PPP6R3: variants seen among roughly 807,000 people sequenced by gnomAD.
PPP6R3 encodes serine/threonine-protein phosphatase 6 regulatory subunit 3.
PPP6R3 carries 38 observed loss-of-function variants against 110.7 expected under a neutral mutation model. That is an observed-to-expected ratio of 0.34 (90% CI 0.26 to 0.45). The LOEUF is 0.45. Ranked by LOEUF, PPP6R3 falls within the 20% of genes least tolerant of loss-of-function variation. PPP6R3 has a pLI of 1.00. For missense variants in PPP6R3, 870 were observed against 1,062.4 expected, an observed-to-expected ratio of 0.82 and a Z score of 2.52; for synonymous variants, 369 against 373.5, an observed-to-expected ratio of 0.99 and a Z score of 0.14.
intron 1 of PPP6R3, 78 bp downstream of exon 1, chr11:68,460,905 C>T (rs541581241): frequency 0.32 from 267 of 822 alleles, 2 homozygotes; most frequent in Admixed American, 0.44. Flanking sequence ...CGGGGCCCCT[C>T]CACCTGGCCT....
At chr11:68,540,865 C>T (rs957415992) in intron 3 of PPP6R3, among the ~76,000 whole-genome samples, 1 of 152,154 alleles carries the variant, frequency 6.6e-6, no homozygotes, top group African/African-American at 2.4e-5. Flanking sequence ...TGTCTTGTTC[C>T]CTGAACATCG....
rs1404216250 is a variant in PPP6R3 at position 68,614,111 on chromosome 11, G to A, written c.*994G>A. 4.1e-6 allele frequency: 4 copies of A among 985,906 alleles called. No homozygotes were observed. The highest frequency in any genetic ancestry group is 6.1e-5 in the Admixed American group (1 of 16,266). The allele number at this position is 985,906 out of a possible 1,614,324, so 61.1% of individuals were successfully genotyped here. A position where few individuals can be genotyped will look rare whatever the true frequency, so the allele number is the denominator to read the frequency against. ...CGTGCTGCTAATGGAATTAGAGTGC[G>A]TTCATTTTACAGGCTAGTATTTTAA... On this transcript the variant is annotated 3_prime_UTR_variant, in exon 24 of 24. Transcript: ENST00000393800.
chr11:68,479,111 A>G (rs1259830764), intron 1 of PPP6R3, among the ~76,000 whole-genome samples: 5 of 152,218 alleles, frequency 3.3e-5, no homozygotes, highest in Admixed American at 1.3e-4. Context: ...TTTATAGGCT[A>G]TCAATAAGCA....
Position 68,615,310 on chromosome 11 carries a change from A to G in PPP6R3, c.*2193A>G. On this transcript the variant is annotated 3_prime_UTR_variant, in exon 24 of 24. Transcript: ENST00000393800. ...ACCTGTATTCAAAATAACAAAAATA[A>G]AGCCTGATTCTTTGTTTCTAGAAAT... 5.7e-6 allele frequency: 2 copies of G among 353,438 alleles called. No individual in the cohort carries two copies. Among genetic ancestry groups the G allele is most frequent in the South Asian group, 2.2e-5 (1 of 46,426 alleles). The allele number at this position is 353,438 out of a possible 1,614,324, so 21.9% of individuals were successfully genotyped here.
rs2099390887 is a variant in PPP6R3, at chr11:68,554,149, A to G, written c.623A>G (p.His208Arg). Residue 208 changes from histidine to arginine, a missense_variant, in exon 7 of 24, where the codon CAT (histidine) becomes CGT (arginine). Physicochemically the swap from His to Arg is conservative, Grantham distance 29. Coordinates refer to ENST00000393800, the MANE Select transcript of PPP6R3 (RefSeq NM_001164161.2). ...IVHPSQEEDR[H>R]SNASQSLCEI... ...AATTGTACTTTTTTCCTTTAGCGACATTCAAATGCATCACAATCACTTTGT... is the reference window on the plus strand; with the variant it reads ...AATTGTACTTTTTTCCTTTAGCGACGTTCAAATGCATCACAATCACTTTGT... The G allele has an allele frequency of 3.1e-6, 5 of 1,606,884 alleles. No homozygotes were observed. The highest frequency in any genetic ancestry group is 4.2e-6 in the Non-Finnish European group (5 of 1,177,190).
chr11:68,597,992 A>AT (rs1045401430), intron 19 of PPP6R3, among the ~76,000 whole-genome samples: 12 of 152,062 alleles, frequency 7.9e-5, no homozygotes, highest in African/African-American at 2.4e-4. Context: ...AAAAAAAAAA[A>AT]GTACAGTTCA....
chr11:68,506,423 A>AAAAAAAAAAAAAAAAAAAAAAAAAAT (rs1191497232), intron 1 of PPP6R3, among the ~76,000 whole-genome samples: 1 of 121,218 alleles, frequency 8.2e-6, no homozygotes, highest in Non-Finnish European at 1.6e-5. Context: ...TCAAAAAAAA[A>AAAAAAAAAAAAAAAAAAAAAAAAAAT]AAAAAAAAAA....
intron 1 of PPP6R3, among the ~76,000 whole-genome samples, chr11:68,464,614 T>C (rs1184547608): frequency 6.6e-6 from 1 of 152,222 alleles, no homozygotes; most frequent in Non-Finnish European, 1.5e-5. Context: ...GGGGATTATT[T>C]AGATGGTATA....
chr11:68,566,180 G>T (rs1472684331), intron 9 of PPP6R3, among the ~76,000 whole-genome samples: 1 of 152,174 alleles, frequency 6.6e-6, no homozygotes, highest in Non-Finnish European at 1.5e-5. Context: ...ATTTGGCTCA[G>T]ACTGAGGATT....
chr11:68,517,723 A>G (rs921502591), intron 1 of PPP6R3, among the ~76,000 whole-genome samples: 1 of 152,186 alleles, frequency 6.6e-6, no homozygotes, highest in Non-Finnish European at 1.5e-5. Context: ...GGATCACTTG[A>G]GGTCAGGAGT....
At chr11:68,544,125 T>G (rs1447104926) in intron 3 of PPP6R3, among the ~76,000 whole-genome samples, 1 of 152,200 alleles carries the variant, frequency 6.6e-6, no homozygotes, top group Admixed American at 6.5e-5. Flanking sequence ...TGACACAAGG[T>G]CTCACTCTTG....
At chr11:68,475,061 G>A (rs537689895) in intron 1 of PPP6R3, among the ~76,000 whole-genome samples, 6 of 152,166 alleles carry the variant, frequency 3.9e-5, no homozygotes, top group South Asian at 4.1e-4. Flanking sequence ...AGGACCCTGC[G>A]GCCCTCTGCA....
chr11:68,566,023 G>C (rs2099464984), intron 9 of PPP6R3, among the ~76,000 whole-genome samples: 1 of 152,138 alleles, frequency 6.6e-6, no homozygotes, highest in Non-Finnish European at 1.5e-5. Flanking sequence ...TTGCCTCTCA[G>C]ACTTCTAAAG....
intron 2 of PPP6R3, among the ~76,000 whole-genome samples, chr11:68,523,705 CT>C (rs1565592376): frequency 1.1e-4 from 2 of 18,526 alleles, no homozygotes; most frequent in Admixed American, 4.8e-4. Context: ...CCATGCCCCC[CT>C]GCCCCCCCCC....
rs1350097052 is a variant in PPP6R3 at position 68,544,840 on chromosome 11, A to G, written c.230A>G (p.Tyr77Cys). 1.3e-6 allele frequency: 2 copies of G among 1,580,988 alleles called. No individual in the cohort carries two copies. Among genetic ancestry groups the G allele is most frequent in the African/African-American group, 1.3e-5 (1 of 74,122 alleles). ...ATGTAAATATCCTGTTCTTCTAGGTATCCAAATATATCTTGTGAGTTGCTC... is the reference window on the plus strand; with the variant it reads ...ATGTAAATATCCTGTTCTTCTAGGTGTCCAAATATATCTTGTGAGTTGCTC... Reference protein sequence around the residue: ...QDMDEKIRYKYPNISCELLTS... With the variant: ...QDMDEKIRYKCPNISCELLTS... The change falls in exon 4 of 24, where the codon TAT becomes TGT. Residue 77 changes from tyrosine to cysteine, a missense_variant and splice_region_variant. By Grantham distance (194) the Tyr-to-Cys change is radical. Transcript: ENST00000393800.
chr11:68,538,037 A>G (rs745721978), intron 3 of PPP6R3, 146 bp downstream of exon 3: 1 of 552,502 alleles, frequency 1.8e-6, no homozygotes, highest in South Asian at 2.9e-5. Context: ...GGTGGAGCGC[A>G]AAATCCATTC....
intron 1 of PPP6R3, among the ~76,000 whole-genome samples, chr11:68,494,444 A>G (rs1370862982): frequency 6.7e-6 from 1 of 148,966 alleles, no homozygotes; most frequent in Non-Finnish European, 1.5e-5. Context: ...GCTGGTACCT[A>G]TACGCAAGTG....
intron 1 of PPP6R3, among the ~76,000 whole-genome samples, chr11:68,507,373 A>G (rs550022617): frequency 6.6e-6 from 1 of 151,078 alleles, no homozygotes; most frequent in African/African-American, 2.4e-5. Context: ...GCCTGTCTAT[A>G]GTTATTTTTG....
intron 1 of PPP6R3, among the ~76,000 whole-genome samples, chr11:68,474,257 G>T (rs1266848709): frequency 6.6e-6 from 1 of 152,054 alleles, no homozygotes; most frequent in Non-Finnish European, 1.5e-5. Context: ...TGTTGCCTAG[G>T]CTGGTCTCGA....
Sources: gnomAD v4.1 joint callset for allele counts (sites outside exome capture counted in the v4.1 genomes callset) on GRCh38, gnomAD v4.1.1 for gene constraint, MANE v1.5 for transcripts, NCBI Gene and HGNC (gene_info 2026-07-23, HGNC 2026-07-21) for gene names.